IGF1R: variants seen among roughly 807,000 people sequenced by gnomAD.
IGF1R encodes the protein insulin-like growth factor 1 receptor.
IGF1R carries 44 observed loss-of-function variants against 144.6 expected under a neutral mutation model. The observed-to-expected ratio is 0.30, with a 90% confidence interval of 0.24 to 0.39. IGF1R has a LOEUF of 0.39. Among genes scored for constraint, IGF1R ranks in the 10% least tolerant of loss-of-function variants. The pLI, the probability that IGF1R is intolerant of heterozygous loss-of-function variation, is 1.00. For synonymous variants in IGF1R, 795 were observed against 722.8 expected (o/e 1.10, Z -1.60); for missense variants, 1,355 against 1,833.7 (o/e 0.74, Z 4.77).
At chr15:98,845,575 TTC>T (rs1203915281) in intron 2 of IGF1R, among the ~76,000 whole-genome samples, 2 of 142,800 alleles carry the variant, frequency 1.4e-5, no homozygotes, top group African/African-American at 5.1e-5. Context: ...CTCGTTTCTC[TTC>T]TCTCTCTTCT....
chr15:98,758,355 C>T (rs1238903381), intron 2 of IGF1R, among the ~76,000 whole-genome samples: 2 of 152,078 alleles, frequency 1.3e-5, no homozygotes, highest in East Asian at 1.9e-4. Context: ...AGCTTGGTCA[C>T]CCTCCCTCAG....
chr15:98,964,002 C>T lies in IGF1R; in HGVS notation c.*6560C>T, dbSNP rs779583457. On this transcript the variant is annotated 3_prime_UTR_variant, in exon 21 of 21. Transcript: ENST00000650285. ...TTCAACTTTTCATTTGGATGTTTGGCGTTGCACACACACATCCACCGGTGG... is the reference window on the plus strand; with the variant it reads ...TTCAACTTTTCATTTGGATGTTTGGTGTTGCACACACACATCCACCGGTGG... 2.6e-5 allele frequency: 6 copies of T among 232,754 alleles called. No individual in the cohort carries two copies. The highest frequency in any genetic ancestry group is 2.3e-4 in the Admixed American group (4 of 17,754). The allele number at this position is 232,754 out of a possible 1,614,324, so 14.4% of individuals were successfully genotyped here.
At chr15:98,956,690 C>G (rs2016999063) in intron 20 of IGF1R, among the ~76,000 whole-genome samples, 1 of 152,232 alleles carries the variant, frequency 6.6e-6, no homozygotes, top group African/African-American at 2.4e-5. Context: ...TTCAGCAGTG[C>G]CTGCATGAGA....
At chr15:98,927,734 G>A (rs937209993) in intron 13 of IGF1R, among the ~76,000 whole-genome samples, 4 of 152,138 alleles carry the variant, frequency 2.6e-5, no homozygotes, top group South Asian at 4.1e-4. Flanking sequence ...TTCTTTCTTC[G>A]ATTAAAATAC....
chr15:98,803,510 A>ATTTATTTATTTATTTATTTG (rs1376257886), intron 2 of IGF1R, among the ~76,000 whole-genome samples: 4 of 151,186 alleles, frequency 2.6e-5, no homozygotes, highest in Non-Finnish European at 4.4e-5. Flanking sequence ...TTATTTATTT[A>ATTTATTTATTTATTTATTTG]TTTATTTATT....
At chr15:98,825,450 A>G (rs1048098456) in intron 2 of IGF1R, among the ~76,000 whole-genome samples, 5 of 152,234 alleles carry the variant, frequency 3.3e-5, no homozygotes, top group African/African-American at 1.2e-4. Context: ...ACCAGGCTGC[A>G]CAGCAGGAGG....
Position 98,776,803 on chromosome 15 carries a change from A to C in IGF1R, c.640+68696A>C, listed in dbSNP as rs1283379728. Among the ~76,000 whole-genome samples, 5 of 152,188 alleles carry C rather than the reference A, an allele frequency of 3.3e-5. No homozygotes were observed. In the East Asian group the frequency reaches 9.6e-4, roughly 29 times the overall value. On this transcript the variant is annotated intron_variant, in intron 2 of 20. Coordinates refer to ENST00000650285, the MANE Select transcript of IGF1R (RefSeq NM_000875.5). ...TGGATGTTTTTCCACAGATAAGCCC[A>C]AAAGAGAACCACATCTTAAAACGCC...
chr15:98,831,002 G>T (rs1380241066), intron 2 of IGF1R, among the ~76,000 whole-genome samples: 1 of 152,068 alleles, frequency 6.6e-6, no homozygotes. Flanking sequence ...AAAGAGAGAC[G>T]CCAGATCTCC....
At position 98,891,221 on chromosome 15, in the gene IGF1R, T is replaced by C. The variant is rs2013892926; in HGVS notation, c.641-104T>C. 2.0e-6 allele frequency: 2 copies of C among 1,007,854 alleles called. No individual in the cohort carries two copies. The highest frequency in any genetic ancestry group is 3.0e-6 in the Non-Finnish European group (2 of 661,870). 62.4% of individuals were successfully genotyped at this position (1,007,854 alleles called of 1,614,324 possible). A position where few individuals can be genotyped will look rare whatever the true frequency, so the allele number is the denominator to read the frequency against. The stretch of plus-strand genomic sequence containing the variant: ...ATTGTCTCCTCAATGAGTGATCTGG[T>C]GCTGGTGGTAGCAGTGAATGACCCA... On this transcript the variant is annotated intron_variant, in intron 2 of 20. Coordinates refer to ENST00000650285, the MANE Select transcript of IGF1R (RefSeq NM_000875.5). This position sits in a 1 kb window ranked among gnomAD's most constrained non-coding sequence, Gnocchi z 4.7.
intron 10 of IGF1R, among the ~76,000 whole-genome samples, chr15:98,920,198 G>C (rs1393315740): frequency 6.6e-6 from 1 of 152,144 alleles, no homozygotes; most frequent in African/African-American, 2.4e-5. Context: ...GTTTGCTTTT[G>C]GGCGTACGAT....
intron 1 of IGF1R, among the ~76,000 whole-genome samples, chr15:98,656,565 T>C (rs1404260478): frequency 6.6e-6 from 1 of 152,004 alleles, no homozygotes; most frequent in Non-Finnish European, 1.5e-5. Context: ...AAAATACATA[T>C]ATAAAAATAA....
intron 1 of IGF1R, among the ~76,000 whole-genome samples, chr15:98,688,082 A>G (rs1456327368): frequency 6.6e-6 from 1 of 152,114 alleles, no homozygotes; most frequent in Non-Finnish European, 1.5e-5. Flanking sequence ...CCAGTGATTG[A>G]GGCCCCCTGC....
intron 1 of IGF1R, among the ~76,000 whole-genome samples, chr15:98,680,968 C>T (rs1276476044): frequency 6.6e-6 from 1 of 151,640 alleles, no homozygotes; most frequent in Non-Finnish European, 1.5e-5. Context: ...CAACTGCCTG[C>T]AGTATTCAGT....
chr15:98,716,551 C>T (rs1429584759), intron 2 of IGF1R, among the ~76,000 whole-genome samples: 1 of 152,170 alleles, frequency 6.6e-6, no homozygotes, highest in East Asian at 1.9e-4. Flanking sequence ...TGGCTTTAAG[C>T]TGGATGTTAC....
chr15:98,649,808 CAGGGCGG>C, intron 1 of IGF1R, 133 bp downstream of exon 1: 1 of 650,576 alleles, frequency 1.5e-6, no homozygotes, highest in Non-Finnish European at 2.6e-6. Flanking sequence ...GGGTGGGGCG[CAGGGCGG>C]CTCTGCCGGG....
chr15:98,906,611 G>A (rs574279157), intron 5 of IGF1R, among the ~76,000 whole-genome samples: 2 of 152,342 alleles, frequency 1.3e-5, no homozygotes, highest in East Asian at 3.9e-4. Context: ...CAACAGTAGC[G>A]CCAGCTGGGC....
intron 1 of IGF1R, among the ~76,000 whole-genome samples, chr15:98,690,167 C>T (rs557681047): frequency 6.6e-6 from 1 of 152,118 alleles, no homozygotes; most frequent in Admixed American, 6.6e-5. Flanking sequence ...CATAGGGACA[C>T]CCCATCTCTA....
At chr15:98,885,775 C>G (rs931456139) in intron 2 of IGF1R, among the ~76,000 whole-genome samples, 1 of 150,626 alleles carries the variant, frequency 6.6e-6, no homozygotes, top group Non-Finnish European at 1.5e-5. Flanking sequence ...CAGGTGGCCC[C>G]TCTTTCATGT....
intron 2 of IGF1R, among the ~76,000 whole-genome samples, chr15:98,767,768 G>C (rs1292558182): frequency 6.6e-6 from 1 of 152,172 alleles, no homozygotes; most frequent in Non-Finnish European, 1.5e-5. Flanking sequence ...CTGACAGTGG[G>C]TATGGTGTCC....
Sources: gnomAD v4.1 joint callset for allele counts (sites outside exome capture counted in the v4.1 genomes callset) on GRCh38, gnomAD v4.1.1 for gene constraint, Gnocchi (gnomAD v3.1) non-coding constraint, MANE v1.5 for transcripts, NCBI Gene and HGNC (gene_info 2026-07-23, HGNC 2026-07-21) for gene names.